Variants in GRM8 observed in about 807,000 individuals in gnomAD.
The protein encoded by GRM8 is metabotropic glutamate receptor 8.
A neutral mutation model predicts 87.2 loss-of-function variants in GRM8; 47 were observed. The ratio of observed to expected loss-of-function variants is 0.54; its 90% CI spans 0.43 to 0.69. GRM8 has a LOEUF of 0.69. Ranked by LOEUF, GRM8 falls within the 30% of genes least tolerant of loss-of-function variation. GRM8 has a pLI of 0.00. For synonymous variants in GRM8, 396 were observed against 404.5 expected, an observed-to-expected ratio of 0.98 and a Z score of 0.25; for missense variants, 1,019 against 1,139.2, an observed-to-expected ratio of 0.89 and a Z score of 1.52.
At chr7:127,196,893 G>C (rs1005794950) in intron 2 of GRM8, among the ~76,000 whole-genome samples, 13 of 152,210 alleles carry the variant, frequency 8.5e-5, no homozygotes, top group African/African-American at 3.1e-4. Flanking sequence ...ATGATAAGAG[G>C]TGGTTTTGTT....
intron 9 of GRM8, among the ~76,000 whole-genome samples, chr7:126,506,651 C>T (rs1410682703): frequency 6.6e-6 from 1 of 151,772 alleles, no homozygotes. Flanking sequence ...TGGTGGTGCG[C>T]ACCTGTAACC....
chr7:126,859,759 T>A (rs995531779), intron 6 of GRM8, among the ~76,000 whole-genome samples: 2 of 152,196 alleles, frequency 1.3e-5, no homozygotes. Flanking sequence ...AAACAAATCG[T>A]CCTTCTATTT....
chr7:127,067,177 C>T (rs1332212480), intron 3 of GRM8, among the ~76,000 whole-genome samples: 4 of 152,180 alleles, frequency 2.6e-5, no homozygotes, highest in Non-Finnish European at 5.9e-5. Context: ...TTGTTGACCA[C>T]CTCCCTCTGG....
At chr7:126,923,840 T>C (rs1305260391) in intron 3 of GRM8, among the ~76,000 whole-genome samples, 2 of 152,184 alleles carry the variant, frequency 1.3e-5, no homozygotes, top group Admixed American at 6.5e-5. Context: ...TGAGTGCTTT[T>C]AGGAAGAGAA....
At chr7:126,636,723 ATTAG>A (rs1801896214) in intron 7 of GRM8, among the ~76,000 whole-genome samples, 2 of 151,964 alleles carry the variant, frequency 1.3e-5, no homozygotes, top group South Asian at 4.1e-4. Flanking sequence ...AGGTTATCTC[ATTAG>A]TTAATTTGTT....
intron 3 of GRM8, among the ~76,000 whole-genome samples, chr7:126,957,541 C>G (rs1290999750): frequency 6.6e-6 from 1 of 152,238 alleles, no homozygotes; most frequent in African/African-American, 2.4e-5. Context: ...TCCCTGGCCT[C>G]TCTCTGCTCC....
intron 3 of GRM8, among the ~76,000 whole-genome samples, chr7:126,912,059 T>C (rs1803361604): frequency 6.6e-6 from 1 of 151,996 alleles, no homozygotes; most frequent in Non-Finnish European, 1.5e-5. Context: ...TAGCTGGGCA[T>C]AGTGGCAGGC....
At chr7:126,613,647 A>G (rs1319961905) in intron 7 of GRM8, among the ~76,000 whole-genome samples, 1 of 152,186 alleles carries the variant, frequency 6.6e-6, no homozygotes, top group Non-Finnish European at 1.5e-5. Flanking sequence ...TGGGTGACAG[A>G]CGGCACCTGG....
chr7:126,796,376 A>AT (rs1821951805), intron 6 of GRM8, among the ~76,000 whole-genome samples: 1 of 152,130 alleles, frequency 6.6e-6, no homozygotes, highest in Non-Finnish European at 1.5e-5. Context: ...ATCTATTAGC[A>AT]TATAGCTCTA....
intron 6 of GRM8, among the ~76,000 whole-genome samples, chr7:126,775,479 GTTTTTTT>G (rs372733476): frequency 0.024 from 2,540 of 104,706 alleles, 50 homozygotes; most frequent in Non-Finnish European, 0.03. Flanking sequence ...TGACAAATAG[GTTTTTTT>G]TTTTTTTTTT....
In GRM8 at chr7:127,015,140, GAAGGAAGAAGGA is replaced by G. The variant is rs1282279792; in HGVS notation, c.727+91344_727+91355del. ...GGAGAAGAAGGAGAAGGAGAAGGAAGAAGGAAGAAGGAAGAAGGAGAAGGAGAAGGAGAAGGA... is the reference window on the plus strand; with the variant it reads ...GGAGAAGAAGGAGAAGGAGAAGGAAGAGAAGGAGAAGGAGAAGGAGAAGGA... On this transcript the variant is annotated intron_variant, in intron 3 of 10. Transcript: ENST00000339582. 7.8e-4 allele frequency among the ~76,000 whole-genome samples: 107 copies of G among 137,082 alleles called. 1 individual carries two copies. The highest frequency in any genetic ancestry group is 2.8e-3 in the African/African-American group (99 of 35,742). The allele number at this position is 137,082 out of a possible 152,430, so 89.9% of individuals were successfully genotyped here. A position where few individuals can be genotyped will look rare whatever the true frequency, so the allele number is the denominator to read the frequency against.
chr7:126,473,997 A>C (rs1480935453), intron 9 of GRM8, among the ~76,000 whole-genome samples: 1 of 152,130 alleles, frequency 6.6e-6, no homozygotes, highest in East Asian at 1.9e-4. Flanking sequence ...TAAATTACCC[A>C]GTCTCAGATA....
At chr7:127,223,443 GCACACACACACACACACACACACA>G (rs61674303) in intron 2 of GRM8, among the ~76,000 whole-genome samples, 5 of 144,072 alleles carry the variant, frequency 3.5e-5, no homozygotes, top group East Asian at 2.3e-4. Flanking sequence ...ACACACACAC[GCACACACACACACACACACACACA>G]CACACACACA....
rs186098395 is a variant in GRM8, at chr7:126,774,792, C to G, written c.1157-4727G>C. Among the ~76,000 whole-genome samples the G allele has an allele frequency of 5.4e-4, 82 of 152,164 alleles. 1 individual carries two copies. Among genetic ancestry groups the G allele is most frequent in the Middle Eastern group, 6.8e-3 (2 of 294 alleles). ...TTACAATGTAAGTTCCTAAGGTGAG[C>G]CTAAGAGAAATTTCAGACTTTGATG... is the stretch of plus-strand genomic sequence containing the variant. On this transcript the variant is annotated intron_variant, in intron 6 of 10. Transcript: ENST00000339582.
chr7:126,513,124 A>G (rs1471874039), intron 9 of GRM8, among the ~76,000 whole-genome samples: 1 of 152,152 alleles, frequency 6.6e-6, no homozygotes, highest in Non-Finnish European at 1.5e-5. Context: ...GCTTTTAAAA[A>G]TAAGTCTTTA....
intron 8 of GRM8, among the ~76,000 whole-genome samples, chr7:126,558,475 T>G (rs1444372049): frequency 6.6e-6 from 1 of 152,182 alleles, no homozygotes; most frequent in Non-Finnish European, 1.5e-5. Context: ...TGCCTCTGTA[T>G]GCTGTTTCCA....
intron 8 of GRM8, among the ~76,000 whole-genome samples, chr7:126,602,416 G>A (rs1278286748): frequency 7.4e-5 from 8 of 107,666 alleles, no homozygotes; most frequent in African/African-American, 2.3e-4. Flanking sequence ...GGCGATGCGG[G>A]CTCTTTTTCG....
intron 8 of GRM8, among the ~76,000 whole-genome samples, chr7:126,562,683 T>C (rs1013934591): frequency 6.6e-6 from 1 of 151,998 alleles, no homozygotes; most frequent in African/African-American, 2.4e-5. Context: ...TCACCTGAGG[T>C]TGGGAGTTCG....
At chr7:126,656,167 C>T (rs185871848) in intron 7 of GRM8, among the ~76,000 whole-genome samples, 9 of 152,208 alleles carry the variant, frequency 5.9e-5, no homozygotes, top group Admixed American at 5.9e-4. Flanking sequence ...GCATTAAATG[C>T]CAGAGTTCTG....
Sources: gnomAD v4.1 joint callset for allele counts (sites outside exome capture counted in the v4.1 genomes callset) on GRCh38, gnomAD v4.1.1 for gene constraint, MANE v1.5 for transcripts, NCBI Gene and HGNC (gene_info 2026-07-23, HGNC 2026-07-21) for gene names.